Variants in COL14A1 observed in about 807,000 individuals in gnomAD.
COL14A1 encodes collagen type XIV alpha 1 chain, also known as collagen alpha-1(XIV) chain.
A neutral mutation model predicts 230.3 loss-of-function variants in COL14A1; 136 were observed. The observed-to-expected ratio is 0.59, with a 90% confidence interval of 0.51 to 0.68. COL14A1 has a LOEUF of 0.68. COL14A1 is among the 30% of genes least tolerant of loss of function. The pLI is 0.00. For synonymous variants in COL14A1, 792 were observed against 784.1 expected (o/e 1.01, Z -0.17); for missense variants, 1,976 against 2,215.8 (o/e 0.89, Z 2.17).
At chr8:120,367,967 C>T (rs1823462489) in intron 46 of COL14A1, among the ~76,000 whole-genome samples, 1 of 151,636 alleles carries the variant, frequency 6.6e-6, no homozygotes, top group Non-Finnish European at 1.5e-5. Flanking sequence ...GAAGGCACAC[C>T]GGTCTCAACT....
At chr8:120,170,322 C>T (rs1264115408) in intron 5 of COL14A1, among the ~76,000 whole-genome samples, 1 of 151,974 alleles carries the variant, frequency 6.6e-6, no homozygotes, top group Non-Finnish European at 1.5e-5. Flanking sequence ...AGCTGTCTCA[C>T]ATAGATTTTG....
At chr8:120,155,553 G>A (rs992138064) in intron 2 of COL14A1, among the ~76,000 whole-genome samples, 2 of 152,068 alleles carry the variant, frequency 1.3e-5, no homozygotes, top group Non-Finnish European at 2.9e-5. Flanking sequence ...CAACACACCT[G>A]GAGTGCTAAT....
chr8:120,288,875 T>G (rs1242362115), intron 33 of COL14A1, among the ~76,000 whole-genome samples: 1 of 152,194 alleles, frequency 6.6e-6, no homozygotes, highest in Non-Finnish European at 1.5e-5. Flanking sequence ...TAAGTTACAA[T>G]GCATATATAA....
At chr8:120,169,185 G>A (rs1391815393) in intron 5 of COL14A1, among the ~76,000 whole-genome samples, 2 of 152,094 alleles carry the variant, frequency 1.3e-5, no homozygotes, top group Non-Finnish European at 2.9e-5. Context: ...GGCATTTAAT[G>A]TTGTCTAATT....
Position 120,224,023 on chromosome 8 carries a change from C to CTTTTTTTTTTTTTTT in COL14A1, c.1738-1058_1738-1044dup, listed in dbSNP as rs962510256. ...GCCTTCTAGACCCTGCCCTCATCTC[C>CTTTTTTTTTTTTTTT]TTTTTTTTTTTTTTTTTTTTTGAGA... On this transcript the variant is annotated intron_variant, in intron 14 of 47. Transcript: ENST00000297848. Among the ~76,000 whole-genome samples the CTTTTTTTTTTTTTTT allele has an allele frequency of 3.2e-4, 25 of 78,282 alleles. 5 individuals are homozygous for CTTTTTTTTTTTTTTT. The highest frequency in any genetic ancestry group is 6.2e-4 in the African/African-American group (12 of 19,308). The allele number at this position is 78,282 out of a possible 152,430, so 51.4% of individuals were successfully genotyped here.
chr8:120,285,497 G>T (rs1025442763), intron 32 of COL14A1, among the ~76,000 whole-genome samples: 1 of 150,536 alleles, frequency 6.6e-6, no homozygotes, highest in Non-Finnish European at 1.5e-5. Context: ...AGAGACAAAG[G>T]GCCTGGTTTC....
chr8:120,193,915 A>T (rs921599022), intron 5 of COL14A1, among the ~76,000 whole-genome samples: 2 of 152,172 alleles, frequency 1.3e-5, no homozygotes, highest in Non-Finnish European at 2.9e-5. Context: ...GCGCAGTATT[A>T]GGGTGGGAGT....
intron 23 of COL14A1, among the ~76,000 whole-genome samples, chr8:120,260,305 G>C (rs1819282617): frequency 6.6e-6 from 1 of 151,664 alleles, no homozygotes; most frequent in African/African-American, 2.4e-5. Flanking sequence ...ACATATCTTT[G>C]CTTCAATATA....
rs1374411174 is a variant in COL14A1, at chr8:120,372,988, A to G, written c.*1757A>G. On this transcript the variant is annotated 3_prime_UTR_variant, in exon 48 of 48. Transcript: ENST00000297848. ...GGGAAGGAAAACTTGTCTAAGGCTC[A>G]TCAAGATGGCCTGACCCAGAGTCAC... 4.6e-5 allele frequency among the ~76,000 whole-genome samples: 7 copies of G among 152,216 alleles called. No individual in the cohort carries two copies. The highest frequency in any genetic ancestry group is 8.8e-5 in the Non-Finnish European group (6 of 68,040).
chr8:120,198,570 A>G (rs1817123288), intron 7 of COL14A1, among the ~76,000 whole-genome samples: 1 of 118,876 alleles, frequency 8.4e-6, no homozygotes, highest in Admixed American at 7.8e-5. Flanking sequence ...ACATGATGCT[A>G]AAAAAATGCT....
At chr8:120,290,330 A>G (rs1202206302) in intron 34 of COL14A1, among the ~76,000 whole-genome samples, 2 of 152,158 alleles carry the variant, frequency 1.3e-5, no homozygotes, top group South Asian at 2.1e-4. Context: ...TTACCTTACA[A>G]CATGGAATTT....
chr8:120,198,894 A>G (rs781607025), intron 7 of COL14A1, among the ~76,000 whole-genome samples: 1 of 152,240 alleles, frequency 6.6e-6, no homozygotes, highest in Non-Finnish European at 1.5e-5. Flanking sequence ...AAATCCTACA[A>G]CAATATTGCA....
intron 24 of COL14A1, among the ~76,000 whole-genome samples, chr8:120,266,442 A>G (rs566478307): frequency 5.6e-4 from 85 of 152,196 alleles, no homozygotes; most frequent in African/African-American, 1.9e-3. Context: ...TTGAGCAAGG[A>G]TTGATGGTGA....
intron 5 of COL14A1, among the ~76,000 whole-genome samples, chr8:120,185,670 G>A (rs1388471722): frequency 6.6e-6 from 1 of 152,050 alleles, no homozygotes; most frequent in African/African-American, 2.4e-5. Flanking sequence ...TCTCTGAAAA[G>A]AGAAAAAGAA....
Position 120,345,450 on chromosome 8 carries a change from C to T in COL14A1, c.4964C>T (p.Pro1655Leu). The stretch of plus-strand genomic sequence containing the variant: ...TCATCCATCCGGACTGTCCAAGGGC[C>T]TCCTGGGGAGCCTGGGAGGCCAGGC... ...HSSSIRTVQG[P>L]PGEPGRPGSP... is the part of the protein sequence containing the mutation. The change falls in exon 45 of 48, where the codon CCT (proline) becomes CTT (leucine). Residue 1655 changes from proline (P) to leucine (L), a missense_variant. Transcript: ENST00000297848. The T allele has an allele frequency of 6.2e-7, 1 of 1,603,038 alleles. No homozygotes were observed. Among genetic ancestry groups the T allele is most frequent in the Non-Finnish European group, 8.5e-7 (1 of 1,174,998 alleles).
At chr8:120,258,873 G>A (rs1819243059) in intron 23 of COL14A1, among the ~76,000 whole-genome samples, 1 of 152,186 alleles carries the variant, frequency 6.6e-6, no homozygotes, top group East Asian at 1.9e-4. Context: ...TTTTTGAGTT[G>A]CCTTGGCACC....
Position 120,196,843 on chromosome 8 carries a change from C to G in COL14A1, c.489C>G (p.Val163=), listed in dbSNP as rs149492812. Residue 163 remains valine (V), a synonymous_variant, in exon 6 of 48, where the codon GTC becomes GTG. Coordinates refer to ENST00000297848, the MANE Select transcript of COL14A1 (RefSeq NM_021110.4). ...CAATTGCTGACATTGTAATCCTGGT[C>G]GATGGTTCATGGAGTATTGGAAGAT... The part of the protein sequence containing the change: ...TPAIADIVIL[V]DGSWSIGRFN... 6.2e-7 allele frequency: 1 copy of G among 1,613,894 alleles called. No individual in the cohort carries two copies.
At chr8:120,370,599 T>C in intron 47 of COL14A1, 1 of 1,450,994 alleles carries the variant, frequency 6.9e-7, no homozygotes, top group South Asian at 1.4e-5. Context: ...TCTATTTTAA[T>C]AGACACTGAC....
chr8:120,126,727 C>T (rs1198134185), intron 1 of COL14A1, among the ~76,000 whole-genome samples: 3 of 152,132 alleles, frequency 2.0e-5, no homozygotes, highest in East Asian at 3.9e-4. Flanking sequence ...AGTGAAGGAC[C>T]GGTGTTCTGT....
Sources: allele counts gnomAD v4.1 joint callset (sites outside exome capture counted in the v4.1 genomes callset), GRCh38; gene constraint gnomAD v4.1.1; transcripts MANE v1.5; gene names NCBI Gene and HGNC (gene_info 2026-07-23, HGNC 2026-07-21).